The following PDILT variants were observed in gnomAD, a reference collection of about 807,000 sequenced individuals.
PDILT encodes protein disulfide-isomerase-like protein of the testis.
Under a neutral mutation model 53.7 loss-of-function variants are expected in PDILT, and 43 were observed. That is an observed-to-expected ratio of 0.80 (90% confidence interval 0.63 to 1.03). The LOEUF (loss-of-function observed/expected upper bound fraction) is 1.03. Among genes scored for constraint, PDILT ranks in the 50% least tolerant of loss-of-function variants. The pLI, the probability that PDILT is intolerant of heterozygous loss-of-function variation, is 0.00. For synonymous variants in PDILT, 282 were observed against 274.2 expected (o/e 1.03, Z -0.28); for missense variants, 727 against 712.3 (o/e 1.02, Z -0.24).
At chr16:20,384,166 A>G (rs1203356421) in intron 3 of PDILT, among the ~76,000 whole-genome samples, 3 of 152,038 alleles carry the variant, frequency 2.0e-5, no homozygotes, top group African/African-American at 7.2e-5. Context: ...TGGAGTTAGA[A>G]CTTAATCTCT....
rs151221811 is a variant in PDILT, at chr16:20,381,173, G to T, written c.409+3472C>A. Among the ~76,000 whole-genome samples, 92 of 152,372 alleles carry T rather than the reference G, an allele frequency of 6.0e-4. 2 individuals carry two copies. In the East Asian group the frequency reaches 0.017, roughly 29 times the overall value. ...TCCTGCCATCAATCCTTGGAGATTA[G>T]ATGAGAATGGGACTGGGGCTTTGAC... On this transcript the variant is annotated intron_variant, in intron 3 of 11. Coordinates refer to ENST00000302451, the MANE Select transcript of PDILT (RefSeq NM_174924.2).
intron 5 of PDILT, among the ~76,000 whole-genome samples, chr16:20,374,333 G>C (rs1966351488): frequency 6.6e-6 from 1 of 152,050 alleles, no homozygotes; most frequent in African/African-American, 2.4e-5. Flanking sequence ...TGTTGCCTGG[G>C]TTTTCTGGCT....
intron 1 of PDILT, among the ~76,000 whole-genome samples, chr16:20,401,098 A>G (rs950844354): frequency 6.6e-6 from 1 of 152,228 alleles, no homozygotes; most frequent in Admixed American, 6.5e-5. Context: ...AAAAGGAAGA[A>G]GGGCAAGTGG....
chr16:20,379,099 G>A (rs995562558), intron 3 of PDILT, among the ~76,000 whole-genome samples: 6 of 151,648 alleles, frequency 4.0e-5, no homozygotes, highest in East Asian at 3.9e-4. Context: ...CTGCAGCCTC[G>A]ATCTCCCAGG....
At chr16:20,399,406 G>T in intron 1 of PDILT, 99 bp from the exon 2 acceptor site, 1 of 1,303,592 alleles carries the variant, frequency 7.7e-7, no homozygotes, top group Non-Finnish European at 1.1e-6. Flanking sequence ...CATGTAGGGT[G>T]AATGTGGCCT....
At chr16:20,360,279 C>T (rs1292200457) in intron 11 of PDILT, among the ~76,000 whole-genome samples, 1 of 152,178 alleles carries the variant, frequency 6.6e-6, no homozygotes, top group Non-Finnish European at 1.5e-5. Context: ...CAGAATCCCA[C>T]CAAGACATCT....
At position 20,367,041 on chromosome 16, in the gene PDILT, T is replaced by C. The variant is rs1375553494; in HGVS notation, c.1117-1501A>G. Among the ~76,000 whole-genome samples, 76 of 34,218 alleles carry C rather than the reference T, an allele frequency of 2.2e-3. 4 individuals are homozygous for C. Among genetic ancestry groups the C allele is most frequent in the African/African-American group, 6.9e-3 (60 of 8,700 alleles). 22.4% of individuals were successfully genotyped at this position (34,218 alleles called of 152,430 possible). ...CTCTCTTTCTTCTTTCTTTCTTTCT[T>C]TCTTTCTTTCTTTCTTTCTTTCTTT... On this transcript the variant is annotated intron_variant, in intron 8 of 11. Transcript: ENST00000302451.
intron 2 of PDILT, among the ~76,000 whole-genome samples, chr16:20,394,431 C>T (rs576469673): frequency 6.6e-6 from 1 of 152,170 alleles, no homozygotes; most frequent in Admixed American, 6.5e-5. Context: ...GTTCCCCAGG[C>T]CTGGTTTCTT....
intron 4 of PDILT, among the ~76,000 whole-genome samples, chr16:20,375,739 C>T (rs1966376466): frequency 6.6e-6 from 1 of 152,144 alleles, no homozygotes; most frequent in Non-Finnish European, 1.5e-5. Context: ...AGAAACTGGC[C>T]TGGCCCAAGC....
At chr16:20,393,336 G>T (rs758371795) in intron 2 of PDILT, among the ~76,000 whole-genome samples, 9 of 152,188 alleles carry the variant, frequency 5.9e-5, no homozygotes, top group Non-Finnish European at 1.2e-4. Flanking sequence ...GGTATTGCTC[G>T]AAGGGCTTTG....
chr16:20,375,510 C>T (rs777126872), intron 4 of PDILT, among the ~76,000 whole-genome samples: 2 of 152,128 alleles, frequency 1.3e-5, no homozygotes, highest in Non-Finnish European at 2.9e-5. Flanking sequence ...GAAACTCATT[C>T]TCCTAAAGCA....
intron 4 of PDILT, among the ~76,000 whole-genome samples, chr16:20,375,255 A>G (rs1966368271): frequency 6.6e-6 from 1 of 152,226 alleles, no homozygotes; most frequent in African/African-American, 2.4e-5. Flanking sequence ...TTTATTCCTT[A>G]GTTACTTTCA....
At chr16:20,375,560 A>G (rs180710724) in intron 4 of PDILT, among the ~76,000 whole-genome samples, 2 of 152,348 alleles carry the variant, frequency 1.3e-5, no homozygotes, top group Admixed American at 1.3e-4. Flanking sequence ...TAAAAAATCT[A>G]CATGAAAGGC....
chr16:20,364,274 T>C lies in PDILT; in HGVS notation c.1237+1146A>G, dbSNP rs539983890. Reference sequence around the variant, plus strand: ...TAGCCTCTCATTGAAAGGCAGCGGATCTTGGTGATTCAGCCACAGACCTTA... The same window carrying C: ...TAGCCTCTCATTGAAAGGCAGCGGACCTTGGTGATTCAGCCACAGACCTTA... On this transcript the variant is annotated intron_variant, in intron 9 of 11. Transcript: ENST00000302451. 3.3e-5 allele frequency among the ~76,000 whole-genome samples: 5 copies of C among 152,324 alleles called. No homozygotes were observed. In the South Asian group the frequency reaches 8.3e-4, roughly 25 times the overall value.
intron 1 of PDILT, among the ~76,000 whole-genome samples, chr16:20,400,121 G>T (rs530829789): frequency 7.6e-4 from 115 of 151,244 alleles, no homozygotes; most frequent in Admixed American, 1.4e-3. Context: ...GGGTGCAGTG[G>T]CACGGTCTCA....
chr16:20,382,306 C>T (rs1339737724), intron 3 of PDILT, among the ~76,000 whole-genome samples: 1 of 152,194 alleles, frequency 6.6e-6, no homozygotes, highest in Non-Finnish European at 1.5e-5. Context: ...TAGAGTACAG[C>T]GCAATGTAAA....
At chr16:20,400,890 A>T (rs1966732380) in intron 1 of PDILT, among the ~76,000 whole-genome samples, 1 of 152,214 alleles carries the variant, frequency 6.6e-6, no homozygotes, top group Admixed American at 6.5e-5. Context: ...ATGTCATCAT[A>T]TCATCAAATA....
chr16:20,365,665 G>T, intron 8 of PDILT, 125 bp from the exon 9 acceptor site: 1 of 1,229,014 alleles, frequency 8.1e-7, no homozygotes, highest in Non-Finnish European at 1.1e-6. Flanking sequence ...CTTAGGAAAG[G>T]GTTTGAAATA....
chr16:20,404,671 CCACAGG>C lies in PDILT; in HGVS notation c.-189_-184del, dbSNP rs1418074024. The C allele has an allele frequency of 6.6e-6, 1 of 152,356 alleles. No individual in the cohort carries two copies. Among genetic ancestry groups the C allele is most frequent in the Non-Finnish European group, 1.5e-5 (1 of 68,166 alleles). The allele number at this position is 152,356 out of a possible 1,614,324, so 9.4% of individuals were successfully genotyped here. ...CAGACGACTGGGCATTCTAAAGAAT[CCACAGG>C]CAGAAATGAAGTCCCTTCCTGGGCA... On this transcript the variant is annotated 5_prime_UTR_variant, in exon 1 of 12. Transcript: ENST00000302451.
Sources: allele counts gnomAD v4.1 joint callset (sites outside exome capture counted in the v4.1 genomes callset), GRCh38; gene constraint gnomAD v4.1.1; transcripts MANE v1.5; gene names NCBI Gene and HGNC (gene_info 2026-07-23, HGNC 2026-07-21).